The following WDPCP variants were observed in gnomAD, a reference collection of about 807,000 sequenced individuals.
WDPCP encodes the protein WD repeat containing planar cell polarity effector.
Under a neutral mutation model 93.1 loss-of-function variants are expected in WDPCP, and 71 were observed. That is an observed-to-expected ratio of 0.76 (90% CI 0.63 to 0.93). The LOEUF is 0.93. Ranked by LOEUF, WDPCP falls within the 40% of genes least tolerant of loss-of-function variation. The pLI, the probability that WDPCP is intolerant of heterozygous loss-of-function variation, is 0.00. For missense variants in WDPCP, 844 were observed against 887.4 expected (o/e 0.95, Z 0.62); for synonymous variants, 315 against 315.0 (o/e 1.00, Z 0.00).
intron 14 of WDPCP, among the ~76,000 whole-genome samples, chr2:63,226,310 A>ATATT (rs1678284789): frequency 6.6e-6 from 1 of 151,886 alleles, no homozygotes; most frequent in Non-Finnish European, 1.5e-5. Context: ...CAATTGCCAT[A>ATATT]TATTTTCCTT....
chr2:63,597,495 A>G, intron 3 of WDPCP: 1 of 1,526,580 alleles, frequency 6.6e-7, no homozygotes, highest in Non-Finnish European at 8.8e-7. Flanking sequence ...ATGGAGAGAA[A>G]AGATTTACTG....
chr2:63,545,353 CAGAG>C (rs528501810), intron 1 of WDPCP, among the ~76,000 whole-genome samples: 1 of 146,984 alleles, frequency 6.8e-6, no homozygotes, highest in African/African-American at 2.5e-5. Context: ...GAGAGAGAGA[CAGAG>C]AGAGAGAGGA....
At chr2:63,239,223 CTTTT>C (rs943770009) in intron 14 of WDPCP, among the ~76,000 whole-genome samples, 6 of 152,022 alleles carry the variant, frequency 3.9e-5, no homozygotes, top group Non-Finnish European at 7.4e-5. Flanking sequence ...ATTTTCTTTT[CTTTT>C]TTTTGAGACG....
the WDPCP span, among the ~76,000 whole-genome samples, chr2:63,835,647 A>C: frequency 9.9e-5 from 15 of 151,878 alleles, no homozygotes; most frequent in Non-Finnish European, 2.2e-4. Flanking sequence ...ATTAAATAAA[A>C]AAAATAATAA....
chr2:63,355,042 T>C (rs899968316), intron 12 of WDPCP, among the ~76,000 whole-genome samples: 11 of 152,136 alleles, frequency 7.2e-5, no homozygotes, highest in African/African-American at 1.7e-4. Context: ...GCATGAAAAC[T>C]TCCCCATCCT....
At chr2:63,406,787 C>A (rs1694624626) in intron 9 of WDPCP, among the ~76,000 whole-genome samples, 1 of 152,138 alleles carries the variant, frequency 6.6e-6, no homozygotes, top group African/African-American at 2.4e-5. Flanking sequence ...TGTACTCATT[C>A]CTTTCCTCCA....
intron 3 of WDPCP, among the ~76,000 whole-genome samples, chr2:63,633,385 A>G (rs1709885005): frequency 1.3e-5 from 2 of 152,340 alleles, no homozygotes; most frequent in South Asian, 4.1e-4. Context: ...AAATAACTAA[A>G]GCTACATTAA....
chr2:63,249,411 C>T (rs190527406), intron 14 of WDPCP, among the ~76,000 whole-genome samples: 8 of 152,290 alleles, frequency 5.3e-5, no homozygotes, highest in African/African-American at 1.4e-4. Flanking sequence ...GGATGTTTGA[C>T]TCCTACATAC....
At chr2:63,602,934 CTTTTTTTTTTTTTTTT>C (rs370479356) in intron 3 of WDPCP, among the ~76,000 whole-genome samples, 7 of 131,616 alleles carry the variant, frequency 5.3e-5, no homozygotes, top group Admixed American at 1.5e-4. Context: ...TTTAACCGTT[CTTTTTTTTTTTTTTTT>C]TTTTTTTTTT....
chr2:63,263,405 GGTTA>G (rs748606886), intron 13 of WDPCP, among the ~76,000 whole-genome samples: 6 of 152,064 alleles, frequency 3.9e-5, no homozygotes, highest in Non-Finnish European at 5.9e-5. Context: ...CACAGGAGTG[GGTTA>G]GTTATCAAAA....
At chr2:63,300,920 C>T (rs991820584) in intron 13 of WDPCP, among the ~76,000 whole-genome samples, 3 of 151,854 alleles carry the variant, frequency 2.0e-5, no homozygotes, top group Non-Finnish European at 4.4e-5. Flanking sequence ...TCTCTCTCTG[C>T]CTTTGGTCTG....
chr2:63,357,460 CAG>C (rs1690104488), intron 12 of WDPCP, among the ~76,000 whole-genome samples: 1 of 151,980 alleles, frequency 6.6e-6, no homozygotes, highest in Non-Finnish European at 1.5e-5. Context: ...AGGACATGAA[CAG>C]ACACTCCTCA....
At chr2:63,391,831 A>T (rs1311185015) in intron 10 of WDPCP, among the ~76,000 whole-genome samples, 1 of 152,204 alleles carries the variant, frequency 6.6e-6, no homozygotes, top group African/African-American at 2.4e-5. Flanking sequence ...CTTACAAGGG[A>T]TGTGAAGGAC....
At chr2:63,536,897 C>T (rs1156935147) in intron 1 of WDPCP, among the ~76,000 whole-genome samples, 1 of 151,686 alleles carries the variant, frequency 6.6e-6, no homozygotes, top group Non-Finnish European at 1.5e-5. Flanking sequence ...TCCCAAGTAG[C>T]TGGGATTACA....
rs149826445 is a variant in WDPCP, at chr2:63,258,142, T to G, written c.1915+1165A>C. ...ATTCAATAAATATTAAGTGCTATTA[T>G]TAGTAGTAGTACACACATTAATATC... On this transcript the variant is annotated intron_variant, in intron 14 of 17. Transcript: ENST00000272321. Among the ~76,000 whole-genome samples the G allele has an allele frequency of 1.5e-4, 23 of 152,316 alleles. No individual in the cohort carries two copies. The East Asian group carries it at 4.2e-3, about 28-fold the overall frequency.
chr2:63,614,861 T>G (rs964318526), intron 3 of WDPCP, among the ~76,000 whole-genome samples: 1 of 152,222 alleles, frequency 6.6e-6, no homozygotes, highest in South Asian at 2.1e-4. Context: ...GATCATACCC[T>G]GTATCCAATC....
intron 3 of WDPCP, among the ~76,000 whole-genome samples, chr2:63,603,230 A>G (rs1367093931): frequency 6.6e-6 from 1 of 152,148 alleles, no homozygotes; most frequent in South Asian, 2.1e-4. Context: ...TGCTGGGATT[A>G]TAGGTGTGAG....
At chr2:63,492,963 G>T (rs750234947) in intron 1 of WDPCP, 23 bp from the exon 2 acceptor site, 1 of 1,600,388 alleles carries the variant, frequency 6.2e-7, no homozygotes, top group Non-Finnish European at 8.6e-7. Flanking sequence ...TAATTAAAAA[G>T]AGGTGCCAAT....
chr2:63,505,468 A>G (rs945460248), intron 1 of WDPCP, among the ~76,000 whole-genome samples: 13 of 152,200 alleles, frequency 8.5e-5, no homozygotes, highest in African/African-American at 2.4e-4. Context: ...ATTACCTGAT[A>G]TTTAAAAATC....
Sources: gnomAD v4.1 joint callset for allele counts (sites outside exome capture counted in the v4.1 genomes callset) on GRCh38, gnomAD v4.1.1 for gene constraint, MANE v1.5 for transcripts, NCBI Gene and HGNC (gene_info 2026-07-23, HGNC 2026-07-21) for gene names.